Variants in KCNMA1 observed in about 807,000 individuals in gnomAD.
KCNMA1 encodes the protein Calcium-activated potassium channel subunit alpha-1.
In KCNMA1, 29 loss-of-function variants were observed where a neutral mutation model predicts 140.0. That is an observed-to-expected ratio of 0.21 (90% confidence interval 0.15 to 0.28). The LOEUF (loss-of-function observed/expected upper bound fraction) is 0.28, where lower values mean the gene tolerates loss of function less well. KCNMA1 is among the 10% of genes least tolerant of loss of function. The pLI, the probability that KCNMA1 is intolerant of heterozygous loss-of-function variation, is 1.00. For synonymous variants in KCNMA1, 612 were observed against 611.9 expected, an observed-to-expected ratio of 1.00 and a Z score of 0.00; for missense variants, 880 against 1,602.2, an observed-to-expected ratio of 0.55 and a Z score of 7.70.
chr10:77,402,856 G>T (rs1453245064), intron 2 of KCNMA1, among the ~76,000 whole-genome samples: 1 of 152,140 alleles, frequency 6.6e-6, no homozygotes, highest in East Asian at 1.9e-4. Flanking sequence ...CTAGCTTCAT[G>T]CCAGGACAGG....
intron 23 of KCNMA1, among the ~76,000 whole-genome samples, chr10:76,927,332 A>G (rs957310747): frequency 6.6e-6 from 1 of 152,140 alleles, no homozygotes; most frequent in South Asian, 2.1e-4. Flanking sequence ...TTAAACAAAC[A>G]CTATGGGCTA....
At chr10:77,485,784 A>G (rs2098453067) in intron 1 of KCNMA1, among the ~76,000 whole-genome samples, 1 of 152,118 alleles carries the variant, frequency 6.6e-6, no homozygotes, top group Non-Finnish European at 1.5e-5. Context: ...ACCAATAACC[A>G]TGGGTGAGAC....
intron 18 of KCNMA1, chr10:77,008,045 C>T (rs1476660249): frequency 1.2e-6 from 1 of 803,066 alleles, no homozygotes; most frequent in African/African-American, 1.7e-5. Context: ...GGAGTTGGGG[C>T]ATGATGTCAC....
At position 77,012,180 on chromosome 10, in the gene KCNMA1, A is replaced by G. The variant is rs2090948145; in HGVS notation, c.2016-137T>C. 5.9e-6 allele frequency: 9 copies of G among 1,533,730 alleles called. No individual in the cohort carries two copies. In the Admixed American group the frequency reaches 1.8e-4, roughly 31 times the overall value. ...TCCTTTAATCTTTTGAAAGGTTTAG[A>G]CATTTGCAGACGGAAATGTTTGTTG... On this transcript the variant is annotated intron_variant, in intron 17 of 27. Transcript: ENST00000286628.
At chr10:77,118,716 A>T (rs1169675940) in intron 6 of KCNMA1, among the ~76,000 whole-genome samples, 1 of 152,166 alleles carries the variant, frequency 6.6e-6, no homozygotes, top group Non-Finnish European at 1.5e-5. Flanking sequence ...CCTGCAACTC[A>T]GGCTAAGCCC....
At chr10:77,546,817 G>A (rs2061555190) in intron 1 of KCNMA1, among the ~76,000 whole-genome samples, 1 of 152,192 alleles carries the variant, frequency 6.6e-6, no homozygotes, top group Non-Finnish European at 1.5e-5. Context: ...CTGGGCATTA[G>A]CAACTGGAGT....
intron 25 of KCNMA1, chr10:76,901,990 A>C (rs1054223566): frequency 6.6e-6 from 1 of 152,274 alleles, no homozygotes; most frequent in African/African-American, 2.4e-5. Flanking sequence ...AATTTGGTGG[A>C]AAGACAATGC....
chr10:77,450,950 T>A (rs2097642920), intron 1 of KCNMA1, among the ~76,000 whole-genome samples: 1 of 152,166 alleles, frequency 6.6e-6, no homozygotes, highest in African/African-American at 2.4e-5. Context: ...ATGGTTTTAT[T>A]AAGGGGAGTT....
chr10:77,494,373 G>C (rs969690260), intron 1 of KCNMA1, among the ~76,000 whole-genome samples: 2 of 152,200 alleles, frequency 1.3e-5, no homozygotes, highest in Non-Finnish European at 2.9e-5. Flanking sequence ...CAGCTGCCTG[G>C]CTAGCCTCAG....
chr10:77,086,320 C>T (rs537444770), intron 11 of KCNMA1, among the ~76,000 whole-genome samples, 168 bp downstream of exon 11: 4 of 152,192 alleles, frequency 2.6e-5, no homozygotes, highest in Admixed American at 2.0e-4. Context: ...GTCCTGGGAC[C>T]AGTGGAAGGG....
intron 2 of KCNMA1, among the ~76,000 whole-genome samples, chr10:77,303,924 T>C (rs1247501346): frequency 6.6e-6 from 1 of 152,238 alleles, no homozygotes; most frequent in African/African-American, 2.4e-5. Context: ...ATCATCAGCT[T>C]TTCACATTAA....
At chr10:76,959,758 C>T (rs117843856) in intron 20 of KCNMA1, among the ~76,000 whole-genome samples, 5,608 of 152,282 alleles carry the variant, frequency 0.037, 133 homozygotes, top group Middle Eastern at 0.078. Context: ...AGTGCTATTA[C>T]CATTGTTGTT....
chr10:77,143,387 T>G (rs1361215703), intron 5 of KCNMA1, among the ~76,000 whole-genome samples: 1 of 152,134 alleles, frequency 6.6e-6, no homozygotes, highest in Non-Finnish European at 1.5e-5. Context: ...TAATGTGTCG[T>G]GCCCCCCAAA....
chr10:77,060,487 T>C (rs2095700483), intron 14 of KCNMA1, among the ~76,000 whole-genome samples: 1 of 152,138 alleles, frequency 6.6e-6, no homozygotes, highest in African/African-American at 2.4e-5. Context: ...GCAGAGTACT[T>C]GTTTTCTAGT....
At chr10:77,515,913 G>A (rs1264727399) in intron 1 of KCNMA1, among the ~76,000 whole-genome samples, 2 of 152,144 alleles carry the variant, frequency 1.3e-5, no homozygotes, top group African/African-American at 2.4e-5. Context: ...ACCCTCACTA[G>A]CAGGGAGCTC....
At chr10:77,211,173 C>A (rs1033849064) in intron 3 of KCNMA1, among the ~76,000 whole-genome samples, 1 of 152,006 alleles carries the variant, frequency 6.6e-6, no homozygotes, top group African/African-American at 2.4e-5. Flanking sequence ...ACCAACAAAG[C>A]TGGAGGCATC....
At chr10:77,628,475 G>A (rs2092808861) in intron 1 of KCNMA1, among the ~76,000 whole-genome samples, 1 of 151,982 alleles carries the variant, frequency 6.6e-6, no homozygotes, top group African/African-American at 2.4e-5. Context: ...GACTGACATG[G>A]TGAAATCCCG....
At chr10:77,233,776 G>A (rs1254946853) in intron 3 of KCNMA1, among the ~76,000 whole-genome samples, 8 of 152,148 alleles carry the variant, frequency 5.3e-5, no homozygotes, top group East Asian at 1.9e-4. Flanking sequence ...TCGGAGGACC[G>A]AAACAGCTCA....
At chr10:76,907,452 T>C (rs1387655611) in intron 25 of KCNMA1, among the ~76,000 whole-genome samples, 1 of 152,226 alleles carries the variant, frequency 6.6e-6, no homozygotes, top group African/African-American at 2.4e-5. Context: ...ACCGATTTTA[T>C]TCCTTGGAAC....
Sources: gnomAD v4.1 joint callset for allele counts (sites outside exome capture counted in the v4.1 genomes callset) on GRCh38, gnomAD v4.1.1 for gene constraint, MANE v1.5 for transcripts, NCBI Gene and HGNC (gene_info 2026-07-23, HGNC 2026-07-21) for gene names.